Variants in ELP3 observed in about 807,000 individuals in gnomAD.
The protein encoded by ELP3 is elongator complex protein 3.
ELP3 carries 56 observed loss-of-function variants against 74.9 expected under a neutral mutation model. The observed-to-expected ratio is 0.75, with a 90% CI of 0.60 to 0.93. The LOEUF (loss-of-function observed/expected upper bound fraction) is 0.93, where lower values mean the gene tolerates loss of function less well. ELP3 is among the 40% of genes least tolerant of loss of function. The pLI is 0.00. For synonymous variants in ELP3, 222 were observed against 239.8 expected (o/e 0.93, Z 0.68); for missense variants, 573 against 686.5 (o/e 0.83, Z 1.85).
intron 7 of ELP3, among the ~76,000 whole-genome samples, chr8:28,114,965 T>C (rs990200145): frequency 6.6e-6 from 1 of 151,988 alleles, no homozygotes; most frequent in Non-Finnish European, 1.5e-5. Flanking sequence ...CCTGCTCAGA[T>C]GGGGGCGGCA....
intron 7 of ELP3, among the ~76,000 whole-genome samples, chr8:28,121,679 A>AT (rs1280367630): frequency 6.6e-6 from 1 of 152,226 alleles, no homozygotes; most frequent in Non-Finnish European, 1.5e-5. Context: ...TGATTTTTAT[A>AT]TATTAATGTT....
chr8:28,105,542 T>A (rs889212911), intron 3 of ELP3, among the ~76,000 whole-genome samples: 11 of 152,212 alleles, frequency 7.2e-5, no homozygotes, highest in Non-Finnish European at 1.0e-4. Context: ...TGCTTACTGC[T>A]GTTAGGGTGT....
intron 6 of ELP3, chr8:28,110,823 T>C: frequency 5.5e-6 from 1 of 183,438 alleles, no homozygotes; most frequent in Admixed American, 5.9e-5. Flanking sequence ...GGCTCATGCC[T>C]GTAATCCCAA....
intron 10 of ELP3, among the ~76,000 whole-genome samples, chr8:28,151,909 A>G (rs1205094976): frequency 1.3e-5 from 2 of 152,188 alleles, no homozygotes; most frequent in Non-Finnish European, 2.9e-5. Flanking sequence ...ACTGGAGGTA[A>G]ATCTCACAAT....
Position 28,121,315 on chromosome 8 carries a change from A to AT in ELP3, c.617+8144dup, listed in dbSNP as rs1187045693. The stretch of plus-strand genomic sequence containing the variant: ...AATTTCATTTTTAAATTTTATTATT[A>AT]TTATTATTATTTTTTTTTTTTTGAA... On this transcript the variant is annotated intron_variant, in intron 7 of 14. Transcript: ENST00000256398. 7.4e-5 allele frequency among the ~76,000 whole-genome samples: 11 copies of AT among 147,974 alleles called. No individual in the cohort carries two copies. The East Asian group carries it at 2.2e-3, about 29-fold the overall frequency.
At chr8:28,097,570 G>A (rs1416894661) in intron 2 of ELP3, among the ~76,000 whole-genome samples, 3 of 151,440 alleles carry the variant, frequency 2.0e-5, no homozygotes, top group African/African-American at 7.3e-5. Flanking sequence ...CTAATTTTTT[G>A]TATTTTTAGT....
At chr8:28,118,647 C>T (rs1367318643) in intron 7 of ELP3, among the ~76,000 whole-genome samples, 1 of 152,204 alleles carries the variant, frequency 6.6e-6, no homozygotes, top group Non-Finnish European at 1.5e-5. Flanking sequence ...GGATCTGAGT[C>T]ACCCATTCAC....
intron 7 of ELP3, among the ~76,000 whole-genome samples, chr8:28,123,344 T>C (rs367649151): frequency 1.2e-3 from 179 of 152,350 alleles, no homozygotes; most frequent in African/African-American, 4.2e-3. Context: ...TGATATCTTA[T>C]TAATTTCTAA....
intron 14 of ELP3, among the ~76,000 whole-genome samples, chr8:28,175,808 G>T (rs1387533388): frequency 1.8e-5 from 2 of 110,158 alleles, no homozygotes; most frequent in African/African-American, 6.6e-5. Context: ...TTTGTCTAGT[G>T]ACTTTTTTTT....
At position 28,188,931 on chromosome 8, in the gene ELP3, A is replaced by C. The variant is rs1815347685; in HGVS notation, c.1568-718A>C. ...CTCAGAACTGGGGGGCCTTGCGCTC[A>C]TCAGAGTAGGTAGGGTCCAAATTGA... On this transcript the variant is annotated intron_variant, in intron 14 of 14. Coordinates refer to ENST00000256398, the MANE Select transcript of ELP3 (RefSeq NM_018091.6). Among the ~76,000 whole-genome samples the C allele has an allele frequency of 2.0e-5, 3 of 152,256 alleles. 1 individual carries two copies. The South Asian group carries it at 6.2e-4, about 32-fold the overall frequency.
At chr8:28,178,804 T>C (rs1185656571) in intron 14 of ELP3, among the ~76,000 whole-genome samples, 1 of 152,242 alleles carries the variant, frequency 6.6e-6, no homozygotes, top group Non-Finnish European at 1.5e-5. Flanking sequence ...CTGATGAATA[T>C]GAGTGGCATT....
intron 10 of ELP3, among the ~76,000 whole-genome samples, chr8:28,140,350 G>T (rs527607100): frequency 1.3e-5 from 2 of 152,208 alleles, no homozygotes; most frequent in African/African-American, 4.8e-5. Flanking sequence ...AATAAATATT[G>T]ATATTAACAG....
At chr8:28,179,237 T>C (rs1814895694) in intron 14 of ELP3, among the ~76,000 whole-genome samples, 1 of 152,274 alleles carries the variant, frequency 6.6e-6, no homozygotes, top group Non-Finnish European at 1.5e-5. Flanking sequence ...ACCACTTCTT[T>C]GCTCTTCTAT....
chr8:28,157,772 A>G (rs1813890954), intron 11 of ELP3, among the ~76,000 whole-genome samples: 1 of 152,188 alleles, frequency 6.6e-6, no homozygotes, highest in Admixed American at 6.5e-5. Flanking sequence ...AGGATTGTGT[A>G]ATTGTAAATG....
Position 28,110,388 on chromosome 8 carries a change from A to G in ELP3, c.412A>G (p.Ile138Val), listed in dbSNP as rs554926933. 3.7e-6 allele frequency: 6 copies of G among 1,613,908 alleles called. No homozygotes were observed. The highest frequency in any genetic ancestry group is 1.6e-4 in the Middle Eastern group (1 of 6,062). Residue 138 changes from isoleucine to valine, a missense_variant, in exon 6 of 15, where the codon ATC (isoleucine) becomes GTC (valine). By Grantham distance (29) the Ile-to-Val change is conservative (BLOSUM62 3). Transcript: ENST00000256398. Reference sequence around the variant, plus strand: ...CTTCTAGCCAACCTCCATGAGAGCTATCCGTGCCAGATATGACCCTTTCCT... The same window carrying G: ...CTTCTAGCCAACCTCCATGAGAGCTGTCCGTGCCAGATATGACCCTTTCCT... ...TGYEPTSMRA[I>V]RARYDPFLQT... is the part of the protein sequence containing the mutation.
chr8:28,168,110 G>C (rs892722198), intron 14 of ELP3, among the ~76,000 whole-genome samples: 2 of 152,212 alleles, frequency 1.3e-5, no homozygotes. Context: ...AGGTGAATCA[G>C]GTACCAGTTT....
intron 10 of ELP3, among the ~76,000 whole-genome samples, chr8:28,151,397 C>T (rs897680062): frequency 1.3e-5 from 2 of 152,190 alleles, no homozygotes; most frequent in African/African-American, 4.8e-5. Context: ...GTTGTTTTAA[C>T]TTCCTGGTCT....
Position 28,189,828 on chromosome 8 carries a change from G to T in ELP3, c.*103G>T. On this transcript the variant is annotated 3_prime_UTR_variant, in exon 15 of 15. Transcript: ENST00000256398. ...GAGAGGCTGAGCAGAGCAAATGGGG[G>T]GCTTCACCCTCATCCCGCAGCTGCA... 1.6e-6 allele frequency: 2 copies of T among 1,251,048 alleles called. No homozygotes were observed. Among genetic ancestry groups the T allele is most frequent in the Non-Finnish European group, 2.3e-6 (2 of 869,786 alleles). The allele number at this position is 1,251,048 out of a possible 1,614,324, so 77.5% of individuals were successfully genotyped here. A position where few individuals can be genotyped will look rare whatever the true frequency, so the allele number is the denominator to read the frequency against.
chr8:28,103,391 CTTTTTT>C (rs376048418), intron 3 of ELP3, among the ~76,000 whole-genome samples: 1 of 151,472 alleles, frequency 6.6e-6, no homozygotes, highest in Non-Finnish European at 1.5e-5. Context: ...GTAGCTCATT[CTTTTTT>C]TTTAATTACT....
Sources: allele counts gnomAD v4.1 joint callset (sites outside exome capture counted in the v4.1 genomes callset), GRCh38; gene constraint gnomAD v4.1.1; transcripts MANE v1.5; gene names NCBI Gene and HGNC (gene_info 2026-07-23, HGNC 2026-07-21).